Variants in RFX3 observed in about 807,000 individuals in gnomAD.
RFX3 encodes transcription factor RFX3.
In RFX3, 14 loss-of-function variants were observed where a neutral mutation model predicts 98.6. The observed-to-expected ratio is 0.14, with a 90% CI of 0.09 to 0.22. The LOEUF (loss-of-function observed/expected upper bound fraction) is 0.22, where lower values mean the gene tolerates loss of function less well. RFX3 is among the 10% of genes least tolerant of loss of function. The probability of loss-of-function intolerance (pLI) is 1.00; values close to 1 mark genes in which losing one functional copy is unlikely to be tolerated. For missense variants in RFX3, 639 were observed against 926.9 expected (o/e 0.69, Z 4.03); for synonymous variants, 383 against 328.4 (o/e 1.17, Z -1.80).
chr9:3,504,905 T>TATATATAATATAACATATATTATATATA (rs1816696592), intron 1 of RFX3, among the ~76,000 whole-genome samples: 16 of 63,338 alleles, frequency 2.5e-4, no homozygotes, highest in African/African-American at 3.7e-4. Flanking sequence ...ATATATTATA[T>TATATATAATATAACATATATTATATATA]ATATATATAA....
intron 1 of RFX3, among the ~76,000 whole-genome samples, chr9:3,412,902 T>G (rs1012416861): frequency 6.6e-5 from 10 of 152,178 alleles, no homozygotes; most frequent in African/African-American, 2.4e-4. Context: ...TATTATTTAA[T>G]GTGAGCTGAA....
chr9:3,482,507 A>G (rs529088680), intron 1 of RFX3, among the ~76,000 whole-genome samples: 1 of 152,350 alleles, frequency 6.6e-6, no homozygotes, highest in East Asian at 1.9e-4. Flanking sequence ...GCAATTTAAT[A>G]AAATTGTTTT....
chr9:3,353,944 T>C (rs1835447791), intron 2 of RFX3, among the ~76,000 whole-genome samples: 1 of 151,822 alleles, frequency 6.6e-6, no homozygotes, highest in African/African-American at 2.4e-5. Context: ...AGCGAAAACA[T>C]GACCGTGCTG....
At chr9:3,443,496 G>C (rs111734145) in intron 1 of RFX3, among the ~76,000 whole-genome samples, 4,928 of 152,134 alleles carry the variant, frequency 0.032, 278 homozygotes, top group African/African-American at 0.11. Flanking sequence ...GAGGATAACG[G>C]CTTCCAACTC....
At chr9:3,452,009 A>T (rs1846684588) in intron 1 of RFX3, among the ~76,000 whole-genome samples, 1 of 152,136 alleles carries the variant, frequency 6.6e-6, no homozygotes, top group African/African-American at 2.4e-5. Context: ...AAAAATGAGA[A>T]GCATATTTCT....
intron 1 of RFX3, among the ~76,000 whole-genome samples, chr9:3,433,158 A>G (rs1218158331): frequency 6.6e-6 from 1 of 152,092 alleles, no homozygotes; most frequent in Admixed American, 6.6e-5. Flanking sequence ...AAAAAAATCC[A>G]AATATAAGTG....
chr9:3,319,283 C>T (rs1307961023), intron 4 of RFX3, among the ~76,000 whole-genome samples: 2 of 152,076 alleles, frequency 1.3e-5, no homozygotes, highest in Non-Finnish European at 2.9e-5. Context: ...GGGTGAGATC[C>T]AGAGATGTGT....
At chr9:3,493,700 A>ATAT (rs1554724812) in intron 1 of RFX3, among the ~76,000 whole-genome samples, 51 of 71,744 alleles carry the variant, frequency 7.1e-4, no homozygotes, top group Admixed American at 2.1e-3. Flanking sequence ...AAAAAAAAAA[A>ATAT]ATATATATAT....
chr9:3,315,509 G>C (rs1196598880), intron 4 of RFX3, among the ~76,000 whole-genome samples: 1 of 152,078 alleles, frequency 6.6e-6, no homozygotes, highest in East Asian at 1.9e-4. Flanking sequence ...CAGAAGGCAA[G>C]AAATAACTAA....
chr9:3,276,680 G>C (rs1303216751), intron 8 of RFX3, among the ~76,000 whole-genome samples: 1 of 151,718 alleles, frequency 6.6e-6, no homozygotes, highest in Non-Finnish European at 1.5e-5. Context: ...CACACACACA[G>C]ACACATACAC....
intron 1 of RFX3, among the ~76,000 whole-genome samples, chr9:3,512,866 AT>A: frequency 6.6e-6 from 1 of 152,024 alleles, no homozygotes; most frequent in African/African-American, 2.4e-5. Context: ...TTCTCTACTA[AT>A]TTCATTCAAC....
intron 7 of RFX3, among the ~76,000 whole-genome samples, chr9:3,280,087 G>T (rs1393774022): frequency 6.6e-6 from 1 of 151,732 alleles, no homozygotes; most frequent in East Asian, 1.9e-4. Context: ...AAGAGTAAGG[G>T]TAGCACGGTG....
rs556219012 is a variant in RFX3 at position 3,470,225 on chromosome 9, A to G, written c.-9+55522T>C. ...TATGTGGCCACAAAATACTAAGTAA[A>G]TATTTCACTGTCACAAACTAGTAAC... is the stretch of plus-strand genomic sequence containing the variant. On this transcript the variant is annotated intron_variant, in intron 1 of 16. Coordinates refer to ENST00000617270, the MANE Select transcript of RFX3 (RefSeq NM_001282116.2). Among the ~76,000 whole-genome samples the G allele has an allele frequency of 2.4e-3, 367 of 152,340 alleles. 2 individuals carry two copies. Among genetic ancestry groups the G allele is most frequent in the Middle Eastern group, 0.01 (3 of 294 alleles).
At chr9:3,357,694 T>C (rs866443410) in intron 2 of RFX3, among the ~76,000 whole-genome samples, 1 of 151,940 alleles carries the variant, frequency 6.6e-6, no homozygotes, top group African/African-American at 2.4e-5. Flanking sequence ...GTAGGGAAAT[T>C]GTAGTTAACA....
At position 3,301,113 on chromosome 9, in the gene RFX3, A is replaced by T. The variant is rs552001735; in HGVS notation, c.549+433T>A. ...ACAAATCATTTTCAAACAGTTTATC[A>T]TTGGATTTCACATTAATCATCCTTT... is the stretch of plus-strand genomic sequence containing the variant. On this transcript the variant is annotated intron_variant, in intron 5 of 16. Transcript: ENST00000617270. Among the ~76,000 whole-genome samples the T allele has an allele frequency of 4.6e-5, 7 of 152,004 alleles. 1 individual carries two copies. In the South Asian group the frequency reaches 1.5e-3, roughly 32 times the overall value.
chr9:3,437,662 C>T (rs945572991), intron 1 of RFX3, among the ~76,000 whole-genome samples: 17 of 152,024 alleles, frequency 1.1e-4, no homozygotes, highest in African/African-American at 3.9e-4. Flanking sequence ...TCGTTCCACC[C>T]TACTTCCTAG....
intron 6 of RFX3, among the ~76,000 whole-genome samples, chr9:3,290,590 G>A (rs993625471): frequency 6.6e-6 from 1 of 152,068 alleles, no homozygotes; most frequent in Non-Finnish European, 1.5e-5. Context: ...AAGTACTATA[G>A]AAACAAAAAG....
intron 2 of RFX3, among the ~76,000 whole-genome samples, chr9:3,375,829 A>G (rs1488439862): frequency 6.6e-6 from 1 of 152,100 alleles, no homozygotes; most frequent in Non-Finnish European, 1.5e-5. Flanking sequence ...GCATGGTGGC[A>G]CACGCCTGTA....
At chr9:3,237,073 C>T (rs1819259010) in intron 15 of RFX3, among the ~76,000 whole-genome samples, 1 of 152,152 alleles carries the variant, frequency 6.6e-6, no homozygotes, top group African/African-American at 2.4e-5. Context: ...CCTTTCTCTC[C>T]ACTTCACAAG....
Sources: allele counts gnomAD v4.1 joint callset (sites outside exome capture counted in the v4.1 genomes callset), GRCh38; gene constraint gnomAD v4.1.1; transcripts MANE v1.5; gene names NCBI Gene and HGNC (gene_info 2026-07-23, HGNC 2026-07-21).